CFAP20DC: variants seen among roughly 807,000 people sequenced by gnomAD.
CFAP20DC encodes the protein protein CFAP20DC.
CFAP20DC carries 84 observed loss-of-function variants against 101.7 expected under a neutral mutation model. The observed-to-expected ratio is 0.83, with a 90% CI of 0.69 to 0.99. The LOEUF (loss-of-function observed/expected upper bound fraction) is 0.99, where lower values mean the gene tolerates loss of function less well. CFAP20DC is among the 50% of genes least tolerant of loss of function. CFAP20DC has a pLI of 0.00. For missense variants in CFAP20DC, 1,007 were observed against 970.3 expected (o/e 1.04, Z -0.50); for synonymous variants, 359 against 351.2 (o/e 1.02, Z -0.25).
At position 58,938,753 on chromosome 3, in the gene CFAP20DC, A is replaced by G. The variant is rs567205423; in HGVS notation, c.279-991T>C. ...TCTCGGTATTGCTCCTCTCTAAACT[A>G]CTCTACATATCTTTCAGTGAAAAAA... is the stretch of plus-strand genomic sequence containing the variant. On this transcript the variant is annotated intron_variant, in intron 4 of 16. Coordinates refer to ENST00000482387, the MANE Select transcript of CFAP20DC (RefSeq NM_001394063.1). 4.0e-5 allele frequency among the ~76,000 whole-genome samples: 6 copies of G among 151,896 alleles called. No individual in the cohort carries two copies. The South Asian group carries it at 1.3e-3, about 32-fold the overall frequency.
intron 15 of CFAP20DC, among the ~76,000 whole-genome samples, chr3:58,764,107 T>C (rs1249585378): frequency 6.6e-6 from 1 of 152,126 alleles, no homozygotes; most frequent in African/African-American, 2.4e-5. Context: ...TGCTGCCTTT[T>C]GTTTGGCTAT....
At chr3:59,008,821 T>C (rs770431090) in intron 4 of CFAP20DC, among the ~76,000 whole-genome samples, 20 of 151,894 alleles carry the variant, frequency 1.3e-4, no homozygotes, top group Non-Finnish European at 2.4e-4. Flanking sequence ...GTAACAAACC[T>C]GCACATTGTG....
intron 5 of CFAP20DC, among the ~76,000 whole-genome samples, chr3:58,925,286 T>C (rs2085827249): frequency 6.6e-6 from 1 of 152,190 alleles, no homozygotes; most frequent in African/African-American, 2.4e-5. Context: ...CAAGAGAAAA[T>C]TAATTTACTT....
chr3:59,008,184 T>C (rs2093484474), intron 4 of CFAP20DC, among the ~76,000 whole-genome samples: 2 of 152,128 alleles, frequency 1.3e-5, no homozygotes, highest in South Asian at 2.1e-4. Flanking sequence ...TCCTCCCTAC[T>C]TGGAACATCA....
chr3:58,996,102 AG>A (rs200376295), intron 4 of CFAP20DC, among the ~76,000 whole-genome samples: 5 of 139,236 alleles, frequency 3.6e-5, no homozygotes, highest in African/African-American at 6.7e-5. Context: ...TAAATGAAGC[AG>A]AAAAAAAAAA....
intron 15 of CFAP20DC, among the ~76,000 whole-genome samples, chr3:58,766,562 T>C (rs2070331852): frequency 6.6e-6 from 1 of 152,230 alleles, no homozygotes; most frequent in Non-Finnish European, 1.5e-5. Context: ...CTTGATAATA[T>C]GTCCATCTCT....
chr3:59,011,261 A>G (rs976437502), intron 4 of CFAP20DC, among the ~76,000 whole-genome samples: 9 of 151,950 alleles, frequency 5.9e-5, no homozygotes, highest in South Asian at 2.1e-4. Flanking sequence ...AGCTGGGCAT[A>G]GTGGTGCATA....
chr3:58,865,486 G>A (rs2079609061), intron 11 of CFAP20DC, among the ~76,000 whole-genome samples: 1 of 152,162 alleles, frequency 6.6e-6, no homozygotes, highest in South Asian at 2.1e-4. Context: ...TATGGCCAAT[G>A]GCAGGCTGAG....
chr3:59,043,194 G>A (rs1030730524), intron 3 of CFAP20DC, among the ~76,000 whole-genome samples: 1 of 152,146 alleles, frequency 6.6e-6, no homozygotes, highest in Non-Finnish European at 1.5e-5. Flanking sequence ...AACCAAGGGA[G>A]TAAGTGTAGA....
chr3:58,798,781 C>A (rs1409077544), intron 15 of CFAP20DC, among the ~76,000 whole-genome samples: 1 of 152,212 alleles, frequency 6.6e-6, no homozygotes, highest in African/African-American at 2.4e-5. Flanking sequence ...CCAGTCTGAT[C>A]ATTCAGCAGC....
intron 4 of CFAP20DC, among the ~76,000 whole-genome samples, chr3:59,020,372 A>G (rs1436926596): frequency 6.6e-6 from 1 of 152,068 alleles, no homozygotes; most frequent in African/African-American, 2.4e-5. Context: ...ATAAACCCGT[A>G]TTACCAATGC....
At chr3:58,811,154 C>T (rs1424058496) in intron 14 of CFAP20DC, among the ~76,000 whole-genome samples, 1 of 152,030 alleles carries the variant, frequency 6.6e-6, no homozygotes, top group Non-Finnish European at 1.5e-5. Flanking sequence ...GATGCAATGC[C>T]ATCCCCATCA....
chr3:59,001,759 C>T lies in CFAP20DC; in HGVS notation c.278+37798G>A, dbSNP rs548724905. ...GGCACAGACAACCTTTTTCTAATCT[C>T]GCAAAAGCAGGGAATTAGCCAGGCA... is the stretch of plus-strand genomic sequence containing the variant. On this transcript the variant is annotated intron_variant, in intron 4 of 16. Transcript: ENST00000482387. The surrounding 1 kb of genome is among the most constrained non-coding windows in gnomAD (Gnocchi z 4.5). Among the ~76,000 whole-genome samples the T allele has an allele frequency of 2.0e-5, 3 of 152,182 alleles. No homozygotes were observed. The highest frequency in any genetic ancestry group is 2.1e-4 in the South Asian group (1 of 4,820).
downstream of CFAP20DC, among the ~76,000 whole-genome samples, chr3:58,739,381 C>T (rs1205983342): frequency 1.3e-5 from 2 of 152,212 alleles, no homozygotes; most frequent in Non-Finnish European, 2.9e-5. Context: ...ACCAAATTAT[C>T]TTAAGATGTA....
chr3:59,020,839 G>A (rs1211005906), intron 4 of CFAP20DC, among the ~76,000 whole-genome samples: 2 of 152,086 alleles, frequency 1.3e-5, no homozygotes, highest in Non-Finnish European at 2.9e-5. Flanking sequence ...GGAACGAGAA[G>A]ACCCAGACCA....
chr3:59,023,776 G>A (rs903805065), intron 4 of CFAP20DC, among the ~76,000 whole-genome samples: 2 of 152,050 alleles, frequency 1.3e-5, no homozygotes, highest in Non-Finnish European at 2.9e-5. Flanking sequence ...AGAGTACCTC[G>A]AAACACAGAA....
intron 4 of CFAP20DC, among the ~76,000 whole-genome samples, chr3:58,979,314 T>C (rs2092417939): frequency 2.6e-5 from 4 of 152,228 alleles, no homozygotes; most frequent in Admixed American, 2.6e-4. Flanking sequence ...AATCTAGGAA[T>C]AAAAGTAGTC....
chr3:58,784,565 T>C (rs994837315), intron 15 of CFAP20DC, among the ~76,000 whole-genome samples: 1 of 152,096 alleles, frequency 6.6e-6, no homozygotes, highest in African/African-American at 2.4e-5. Context: ...TTCAGTCCAC[T>C]GTTCATGGAC....
chr3:58,898,488 T>C (rs2082863196), intron 6 of CFAP20DC, among the ~76,000 whole-genome samples: 1 of 152,252 alleles, frequency 6.6e-6, no homozygotes, highest in Non-Finnish European at 1.5e-5. Flanking sequence ...TATTGATACC[T>C]GTGATTGCAT....
Sources: gnomAD v4.1 joint callset for allele counts (sites outside exome capture counted in the v4.1 genomes callset) on GRCh38, gnomAD v4.1.1 for gene constraint, Gnocchi (gnomAD v3.1) non-coding constraint, MANE v1.5 for transcripts, NCBI Gene and HGNC (gene_info 2026-07-23, HGNC 2026-07-21) for gene names.